DLGAP1: variants seen among roughly 807,000 people sequenced by gnomAD.
DLGAP1 encodes disks large-associated protein 1.
A neutral mutation model predicts 90.8 loss-of-function variants in DLGAP1; 11 were observed. That is an observed-to-expected ratio of 0.12 (90% CI 0.08 to 0.20). DLGAP1 has a LOEUF of 0.20. DLGAP1 is among the 10% of genes least tolerant of loss of function. The pLI is 1.00. For missense variants in DLGAP1, 1,050 were observed against 1,333.8 expected, an observed-to-expected ratio of 0.79 and a Z score of 3.31; for synonymous variants, 558 against 540.7, an observed-to-expected ratio of 1.03 and a Z score of -0.44.
rs1199072004 is a variant in DLGAP1 at position 3,821,816 on chromosome 18, A to G, written c.958-7543T>C. 5.1e-6 allele frequency: 4 copies of G among 782,458 alleles called. No homozygotes were observed. In the African/African-American group the frequency reaches 7.5e-5, roughly 15 times the overall value. 48.5% of individuals were successfully genotyped at this position (782,458 alleles called of 1,614,324 possible). A position where few individuals can be genotyped will look rare whatever the true frequency, so the allele number is the denominator to read the frequency against. On this transcript the variant is annotated intron_variant, in intron 4 of 12. Transcript: ENST00000315677. ...CACCCTGGACTTTAGGTTCCTGCCTACAACTTTTTAGAGAAATGGCTGTAA... is the reference window on the plus strand; with the variant it reads ...CACCCTGGACTTTAGGTTCCTGCCTGCAACTTTTTAGAGAAATGGCTGTAA...
intron 1 of DLGAP1, among the ~76,000 whole-genome samples, chr18:4,398,135 G>A (rs931242580): frequency 6.6e-6 from 1 of 152,172 alleles, no homozygotes; most frequent in African/African-American, 2.4e-5. Context: ...ATCTTTGTAT[G>A]TGTTCAGAGC....
chr18:3,560,155 T>C (rs929444417), intron 9 of DLGAP1, among the ~76,000 whole-genome samples: 5 of 151,546 alleles, frequency 3.3e-5, no homozygotes, highest in African/African-American at 7.2e-5. Flanking sequence ...GCGCAGTGGC[T>C]CACGCCTGTA....
chr18:3,589,836 A>T (rs929262082), intron 7 of DLGAP1, among the ~76,000 whole-genome samples: 1 of 152,156 alleles, frequency 6.6e-6, no homozygotes, highest in Non-Finnish European at 1.5e-5. Flanking sequence ...CACTGTCTAA[A>T]ATCTGCTGAG....
intron 2 of DLGAP1, among the ~76,000 whole-genome samples, chr18:4,039,264 C>T (rs930272688): frequency 7.9e-5 from 12 of 152,122 alleles, no homozygotes; most frequent in African/African-American, 2.9e-4. Context: ...CTGACCCAGG[C>T]CCCACTATCC....
At chr18:3,507,301 C>T (rs1230912667) in intron 11 of DLGAP1, among the ~76,000 whole-genome samples, 2 of 142,934 alleles carry the variant, frequency 1.4e-5, no homozygotes, top group African/African-American at 5.0e-5. Flanking sequence ...CTGGCTAACA[C>T]CATGAAAACC....
chr18:3,840,849 G>C (rs2068674189), intron 4 of DLGAP1, among the ~76,000 whole-genome samples: 1 of 152,182 alleles, frequency 6.6e-6, no homozygotes, highest in East Asian at 1.9e-4. Flanking sequence ...TCAAATCTAG[G>C]TCTGTTCAAC....
At chr18:3,523,654 T>C (rs554874093) in intron 10 of DLGAP1, among the ~76,000 whole-genome samples, 80 of 151,978 alleles carry the variant, frequency 5.3e-4, no homozygotes, top group African/African-American at 1.2e-3. Flanking sequence ...GAGACCATCC[T>C]GGCTAACACG....
chr18:3,759,468 A>C (rs1418909744), intron 5 of DLGAP1, among the ~76,000 whole-genome samples: 1 of 152,228 alleles, frequency 6.6e-6, no homozygotes, highest in Non-Finnish European at 1.5e-5. Flanking sequence ...TTATCAACAT[A>C]AAATGCAATT....
chr18:4,045,350 C>T (rs2075033896), intron 2 of DLGAP1, among the ~76,000 whole-genome samples: 1 of 145,444 alleles, frequency 6.9e-6, no homozygotes, highest in Admixed American at 7.1e-5. Flanking sequence ...TCATTGGCTC[C>T]CAATTTCTAG....
chr18:4,358,247 C>G (rs1392939949), intron 1 of DLGAP1, among the ~76,000 whole-genome samples: 1 of 152,128 alleles, frequency 6.6e-6, no homozygotes, highest in African/African-American at 2.4e-5. Flanking sequence ...ATGATTAGTT[C>G]AGTGAATCTA....
At chr18:3,598,659 G>A (rs2056731792) in intron 7 of DLGAP1, among the ~76,000 whole-genome samples, 1 of 151,970 alleles carries the variant, frequency 6.6e-6, no homozygotes. Flanking sequence ...GTAGAGATGA[G>A]GTTTTAACTT....
At chr18:3,930,528 C>T (rs1205111184) in intron 3 of DLGAP1, among the ~76,000 whole-genome samples, 11 of 152,126 alleles carry the variant, frequency 7.2e-5, no homozygotes, top group Admixed American at 7.2e-4. Flanking sequence ...TGAGCGTGTC[C>T]TGCAATAGGA....
chr18:4,012,894 G>C lies in DLGAP1; in HGVS notation c.-158-7693C>G, dbSNP rs369466132. On this transcript the variant is annotated intron_variant, in intron 2 of 12. Coordinates refer to ENST00000315677, the MANE Select transcript of DLGAP1 (RefSeq NM_004746.4). ...AAAAGAATTTATTTTATAGAGACAG[G>C]GGGTCTCATTATGTTGCTCAGGCTG... is the stretch of plus-strand genomic sequence containing the variant. Among the ~76,000 whole-genome samples, 100 of 152,036 alleles carry C rather than the reference G, an allele frequency of 6.6e-4. 1 individual carries two copies. The South Asian group carries it at 0.02, about 30-fold the overall frequency.
intron 7 of DLGAP1, among the ~76,000 whole-genome samples, chr18:3,698,088 T>C (rs2061154805): frequency 6.6e-6 from 1 of 152,234 alleles, no homozygotes; most frequent in South Asian, 2.1e-4. Context: ...TCTTTGCACA[T>C]GAGTTTGGTC....
rs145551894 is a variant in DLGAP1, at chr18:4,343,622, G to A, written c.-267+111384C>T. Among the ~76,000 whole-genome samples, 29 of 152,122 alleles carry A rather than the reference G, an allele frequency of 1.9e-4. No individual in the cohort carries two copies. The East Asian group carries it at 4.8e-3, about 25-fold the overall frequency. The stretch of plus-strand genomic sequence containing the variant: ...AAAATGTTACCTCCCTTTTCAGGAG[G>A]GGAACATCACACACTGGTGCCTGTT... On this transcript the variant is annotated intron_variant, in intron 1 of 12. Transcript: ENST00000315677.
At chr18:4,421,627 A>G (rs1208363229) in intron 1 of DLGAP1, among the ~76,000 whole-genome samples, 1 of 152,180 alleles carries the variant, frequency 6.6e-6, no homozygotes. Flanking sequence ...TTAAATTAGC[A>G]TGATGTCTTC....
At chr18:4,008,398 G>A (rs1438113913) in intron 2 of DLGAP1, among the ~76,000 whole-genome samples, 1 of 151,874 alleles carries the variant, frequency 6.6e-6, no homozygotes, top group Admixed American at 6.6e-5. Flanking sequence ...ACCTATTTTC[G>A]CAAGGTATTT....
At chr18:3,766,941 A>G (rs771011714) in intron 5 of DLGAP1, among the ~76,000 whole-genome samples, 11 of 152,110 alleles carry the variant, frequency 7.2e-5, no homozygotes, top group Non-Finnish European at 1.6e-4. Context: ...AAACAAGCAG[A>G]AAAACAATAT....
intron 3 of DLGAP1, among the ~76,000 whole-genome samples, chr18:3,915,173 G>A (rs896042006): frequency 6.6e-6 from 1 of 152,192 alleles, no homozygotes; most frequent in African/African-American, 2.4e-5. Context: ...TTTGAGGCAT[G>A]TCTATTCAGG....
Sources: gnomAD v4.1 joint callset for allele counts (sites outside exome capture counted in the v4.1 genomes callset) on GRCh38, gnomAD v4.1.1 for gene constraint, MANE v1.5 for transcripts, NCBI Gene and HGNC (gene_info 2026-07-23, HGNC 2026-07-21) for gene names.